The following FIP1L1 variants were observed in gnomAD, a reference collection of about 807,000 sequenced individuals.
FIP1L1 encodes pre-mRNA 3'-end-processing factor FIP1.
A neutral mutation model predicts 84.6 loss-of-function variants in FIP1L1; 21 were observed. The ratio of observed to expected loss-of-function variants is 0.25; its 90% CI spans 0.18 to 0.36. FIP1L1 has a LOEUF of 0.36. Among genes scored for constraint, FIP1L1 ranks in the 10% least tolerant of loss-of-function variants. The pLI is 1.00. For synonymous variants in FIP1L1, 263 were observed against 242.3 expected (o/e 1.09, Z -0.80); for missense variants, 526 against 751.1 (o/e 0.70, Z 3.50).
At chr4:53,442,452 G>A (rs1442391128) in intron 13 of FIP1L1, 2 of 536,272 alleles carry the variant, frequency 3.7e-6, no homozygotes, top group Non-Finnish European at 6.7e-6. Flanking sequence ...CTGTGTATTA[G>A]ACCAGACTGC....
chr4:53,406,064 A>G (rs942313534), intron 10 of FIP1L1, among the ~76,000 whole-genome samples: 5 of 152,042 alleles, frequency 3.3e-5, no homozygotes, highest in African/African-American at 9.7e-5. Flanking sequence ...GAGTGGTGAG[A>G]GAGGGCATCC....
At chr4:53,449,658 T>C (rs1317825169) in intron 15 of FIP1L1, among the ~76,000 whole-genome samples, 1 of 152,134 alleles carries the variant, frequency 6.6e-6, no homozygotes, top group African/African-American at 2.4e-5. Context: ...GAATAATCTT[T>C]TTTTTTCCCT....
At chr4:53,378,913 A>C in intron 1 of FIP1L1, 160 bp from the exon 2 acceptor site, 2 of 720,126 alleles carry the variant, frequency 2.8e-6, no homozygotes, top group Non-Finnish European at 4.5e-6. Flanking sequence ...TACTCTTTGA[A>C]ATGTGAATGT....
At position 53,399,850 on chromosome 4, in the gene FIP1L1, T is replaced by TAGTTATAA; in HGVS notation, c.815+12_815+19dup. Reference sequence around the variant, plus strand: ...GCTTCCACCGAGCAGGTTAGTTACATAGTTATAACTCAATTACTGTACGAC... The same window carrying TAGTTATAA: ...GCTTCCACCGAGCAGGTTAGTTACATAGTTATAAAGTTATAACTCAATTACTGTACGAC... On this transcript the variant is annotated intron_variant, in intron 10 of 17. Transcript: ENST00000337488. 1 of 1,513,678 alleles carries TAGTTATAA rather than the reference T, an allele frequency of 6.6e-7. No homozygotes were observed. Among genetic ancestry groups the TAGTTATAA allele is most frequent in the Non-Finnish European group, 9.2e-7 (1 of 1,089,834 alleles). The allele number at this position is 1,513,678 out of a possible 1,614,324, so 93.8% of individuals were successfully genotyped here. A position where few individuals can be genotyped will look rare whatever the true frequency, so the allele number is the denominator to read the frequency against.
At chr4:53,407,586 G>A (rs529948029) in intron 10 of FIP1L1, among the ~76,000 whole-genome samples, 97 of 150,514 alleles carry the variant, frequency 6.4e-4, no homozygotes, top group Admixed American at 2.3e-3. Context: ...TGTCTCGTTG[G>A]TCTGTCTAAT....
chr4:53,398,731 G>C (rs1286021362), intron 9 of FIP1L1, among the ~76,000 whole-genome samples: 1 of 152,178 alleles, frequency 6.6e-6, no homozygotes. Flanking sequence ...AGAGCATAAA[G>C]AAGTCATTTC....
chr4:53,431,841 C>G (rs1043028195), intron 13 of FIP1L1, among the ~76,000 whole-genome samples: 65 of 152,120 alleles, frequency 4.3e-4, no homozygotes, highest in Non-Finnish European at 8.2e-4. Context: ...AGAGATAACT[C>G]TCATTTGAAG....
At chr4:53,410,969 G>A (rs1327136281) in intron 10 of FIP1L1, among the ~76,000 whole-genome samples, 2 of 50,358 alleles carry the variant, frequency 4.0e-5, no homozygotes, top group Non-Finnish European at 1.1e-4. Context: ...CCAAGAATAA[G>A]GTGGGGGGGG....
intron 10 of FIP1L1, among the ~76,000 whole-genome samples, chr4:53,409,841 G>T (rs1415988671): frequency 3.9e-5 from 6 of 152,226 alleles, no homozygotes; most frequent in Non-Finnish European, 8.8e-5. Context: ...AAGCCCATTG[G>T]AAAAGCGCAG....
chr4:53,386,287 TA>T (rs1350766155), intron 5 of FIP1L1, among the ~76,000 whole-genome samples: 6 of 152,182 alleles, frequency 3.9e-5, no homozygotes, highest in African/African-American at 1.2e-4. Context: ...CCATTATTAT[TA>T]TTGTTTTTAC....
chr4:53,387,123 CAGT>C (rs545158869), intron 5 of FIP1L1, among the ~76,000 whole-genome samples: 2 of 152,116 alleles, frequency 1.3e-5, no homozygotes, highest in Non-Finnish European at 2.9e-5. Context: ...ACTAAGGCAG[CAGT>C]AGTAGAGAGA....
At chr4:53,423,827 T>G (rs1321033411) in intron 11 of FIP1L1, among the ~76,000 whole-genome samples, 1 of 152,152 alleles carries the variant, frequency 6.6e-6, no homozygotes, top group Non-Finnish European at 1.5e-5. Context: ...TTAAAAACAA[T>G]CAATTTAAAG....
At chr4:53,390,426 G>C (rs1210870407) in intron 6 of FIP1L1, 95 bp from the exon 7 acceptor site, 6 of 718,614 alleles carry the variant, frequency 8.3e-6, no homozygotes, top group Non-Finnish European at 1.4e-5. Context: ...TATGTGCCAG[G>C]AATAGTAAAA....
At chr4:53,397,516 G>A (rs182406710) in intron 9 of FIP1L1, among the ~76,000 whole-genome samples, 22 of 152,258 alleles carry the variant, frequency 1.4e-4, no homozygotes, top group African/African-American at 5.1e-4. Flanking sequence ...GCTAAATTAG[G>A]TAGTCTCTGT....
chr4:53,425,040 A>G (rs1362057916), intron 11 of FIP1L1, among the ~76,000 whole-genome samples: 7 of 152,106 alleles, frequency 4.6e-5, no homozygotes, highest in Non-Finnish European at 7.4e-5. Flanking sequence ...TTTTGCTTCT[A>G]TAAAGTTTTA....
chr4:53,379,588 C>G (rs552704240), intron 3 of FIP1L1, among the ~76,000 whole-genome samples: 2 of 152,274 alleles, frequency 1.3e-5, no homozygotes, highest in East Asian at 3.9e-4. Flanking sequence ...AATATTTTAA[C>G]TTAATTGAAA....
At chr4:53,384,684 G>T (rs73250959) in intron 5 of FIP1L1, among the ~76,000 whole-genome samples, 1 of 152,170 alleles carries the variant, frequency 6.6e-6, no homozygotes, top group Non-Finnish European at 1.5e-5. Flanking sequence ...GACTGTCATT[G>T]ACTCATTGAG....
intron 13 of FIP1L1, among the ~76,000 whole-genome samples, chr4:53,437,326 C>CAAAAAAAAAAAA (rs55957570): frequency 3.1e-5 from 2 of 64,512 alleles, no homozygotes; most frequent in African/African-American, 1.1e-4. Flanking sequence ...CTGTCTCAAC[C>CAAAAAAAAAAAA]AAAAAAAAAA....
chr4:53,391,957 A>G (rs1300275442), intron 9 of FIP1L1, among the ~76,000 whole-genome samples: 1 of 152,212 alleles, frequency 6.6e-6, no homozygotes, highest in Non-Finnish European at 1.5e-5. Context: ...AGATATCTTC[A>G]AAAATCTTAG....
Sources: allele counts gnomAD v4.1 joint callset (sites outside exome capture counted in the v4.1 genomes callset), GRCh38; gene constraint gnomAD v4.1.1; transcripts MANE v1.5; gene names NCBI Gene and HGNC (gene_info 2026-07-23, HGNC 2026-07-21).